The following MAX variants were observed in gnomAD, a reference collection of about 807,000 sequenced individuals.
The protein encoded by MAX is MYC associated transcriptional regulator X, also known as protein max.
MAX carries 3 observed loss-of-function variants against 22.3 expected under a neutral mutation model. The ratio of observed to expected loss-of-function variants is 0.13; its 90% CI spans 0.06 to 0.35. The LOEUF (loss-of-function observed/expected upper bound fraction) is 0.35, where lower values mean the gene tolerates loss of function less well. Ranked by LOEUF, MAX falls within the 10% of genes least tolerant of loss-of-function variation. The pLI, the probability that MAX is intolerant of heterozygous loss-of-function variation, is 1.00. For synonymous variants in MAX, 72 were observed against 77.7 expected (o/e 0.93, Z 0.39); for missense variants, 119 against 209.4 (o/e 0.57, Z 2.66).
intron 3 of MAX, among the ~76,000 whole-genome samples, chr14:65,067,234 A>T (rs1394090637): frequency 2.6e-5 from 4 of 152,042 alleles, no homozygotes; most frequent in Admixed American, 2.6e-4. Flanking sequence ...GAATAGTTTG[A>T]GATTGACAGA....
At chr14:65,096,340 T>C (rs1049896167) in intron 2 of MAX, among the ~76,000 whole-genome samples, 5 of 152,194 alleles carry the variant, frequency 3.3e-5, no homozygotes, top group African/African-American at 1.2e-4. Flanking sequence ...TTCCCCAAGC[T>C]TGATTTGAAA....
At chr14:65,099,497 G>A in intron 2 of MAX, among the ~76,000 whole-genome samples, 1 of 141,708 alleles carries the variant, frequency 7.1e-6, no homozygotes, top group Non-Finnish European at 1.5e-5. Context: ...TTGAAAAGCA[G>A]AAAGCTTTCA....
At chr14:65,057,178 T>C (rs932719640) in intron 3 of MAX, among the ~76,000 whole-genome samples, 4 of 152,196 alleles carry the variant, frequency 2.6e-5, no homozygotes, top group Non-Finnish European at 5.9e-5. Context: ...AACATAGCCA[T>C]CTTGGGGATC....
Position 65,032,541 on chromosome 14 carries a change from C to T in MAX, c.172-26257G>A, listed in dbSNP as rs932982459. The T allele has an allele frequency of 1.7e-5, 27 of 1,567,368 alleles. No individual in the cohort carries two copies. In the Admixed American group the frequency reaches 2.5e-4, roughly 14 times the overall value. ...TACTAGGCAAGGCGAGCAGTCCGCC[C>T]GCGGAGTTCACTGAGCCTCATTAGC... On this transcript the variant is annotated intron_variant, in intron 3 of 3. Transcript: ENST00000341653. The surrounding 1 kb of genome is among the most constrained non-coding windows in gnomAD (Gnocchi z 5.0).
chr14:65,053,370 G>A (rs2062654713), intron 3 of MAX: 1 of 1,403,612 alleles, frequency 7.1e-7, no homozygotes, highest in Non-Finnish European at 9.4e-7. Context: ...TCTCTCTGGG[G>A]AGGGAAGGGA....
intron 2 of MAX, among the ~76,000 whole-genome samples, chr14:65,100,964 C>T (rs778504393): frequency 6.6e-6 from 1 of 152,180 alleles, no homozygotes; most frequent in Non-Finnish European, 1.5e-5. Context: ...TTTCTTTATA[C>T]CTTTTCTTCA....
intron 3 of MAX, among the ~76,000 whole-genome samples, chr14:65,092,250 C>G (rs1484234163): frequency 6.6e-6 from 1 of 152,148 alleles, no homozygotes; most frequent in Non-Finnish European, 1.5e-5. Flanking sequence ...AAGGCTGATT[C>G]AGTAGTGAAT....
intron 2 of MAX, among the ~76,000 whole-genome samples, chr14:65,097,438 T>C (rs1263931786): frequency 6.6e-6 from 1 of 152,210 alleles, no homozygotes; most frequent in South Asian, 2.1e-4. Context: ...AATAAATGCT[T>C]CATTATTCCA....
chr14:65,081,345 A>T (rs772663500), intron 3 of MAX, among the ~76,000 whole-genome samples: 4 of 152,248 alleles, frequency 2.6e-5, no homozygotes, highest in Non-Finnish European at 5.9e-5. Flanking sequence ...AGTCCAGGAA[A>T]GAAAAAGCAA....
In MAX at chr14:65,082,759, C is replaced by T. The variant is rs2063230960; in HGVS notation, c.172-4723G>A. Reference sequence around the variant, plus strand: ...TCCAGCCTGAAAAAAAAGAGTGAGACCCTGTATAAAAAAAAAAAAGTGAAA... The same window carrying T: ...TCCAGCCTGAAAAAAAAGAGTGAGATCCTGTATAAAAAAAAAAAAGTGAAA... On this transcript the variant is annotated intron_variant, in intron 3 of 4. Transcript: ENST00000358664. This position sits in a 1 kb window ranked among gnomAD's most constrained non-coding sequence, Gnocchi z 4.8. Among the ~76,000 whole-genome samples the T allele has an allele frequency of 6.6e-6, 1 of 151,086 alleles. No homozygotes were observed. Among genetic ancestry groups the T allele is most frequent in the Non-Finnish European group, 1.5e-5 (1 of 67,810 alleles).
chr14:65,074,142 C>G (rs558201258), downstream of MAX, among the ~76,000 whole-genome samples: 1 of 152,174 alleles, frequency 6.6e-6, no homozygotes, highest in Non-Finnish European at 1.5e-5. Flanking sequence ...AGCAAACCAA[C>G]TGTATACTTA....
rs1199836408 is a variant in MAX, at chr14:65,060,524, G to A, written c.171+33184C>T. Among the ~76,000 whole-genome samples, 6 of 127,230 alleles carry A rather than the reference G, an allele frequency of 4.7e-5. 1 individual carries two copies. The highest frequency in any genetic ancestry group is 5.1e-4 in the South Asian group (2 of 3,902). The allele number at this position is 127,230 out of a possible 152,430, so 83.5% of individuals were successfully genotyped here. Reference sequence around the variant, plus strand: ...ATCCCGGCTAAAACGGTGAAACCCCGTCTCTACTAAAAATACAAAAAATTA... The same window carrying A: ...ATCCCGGCTAAAACGGTGAAACCCCATCTCTACTAAAAATACAAAAAATTA... On this transcript the variant is annotated intron_variant, in intron 3 of 3. Coordinates refer to the MAX transcript ENST00000341653.
rs1005955754 is a variant in MAX, at chr14:65,029,566, A to G, written c.172-23282T>C. 6.6e-6 allele frequency among the ~76,000 whole-genome samples: 1 copy of G among 152,198 alleles called. No individual in the cohort carries two copies. The highest frequency in any genetic ancestry group is 2.4e-5 in the African/African-American group (1 of 41,448). Reference sequence around the variant, plus strand: ...CAAGCACTATTTTTTCTCAGTTCTTAAGAAAGGAGACCTCCTTTCTAGGTT... The same window carrying G: ...CAAGCACTATTTTTTCTCAGTTCTTGAGAAAGGAGACCTCCTTTCTAGGTT... On this transcript the variant is annotated intron_variant, in intron 3 of 3. Coordinates refer to the MAX transcript ENST00000341653. This position sits in a 1 kb window ranked among gnomAD's most constrained non-coding sequence, Gnocchi z 4.7.
rs1043577119 is a variant in MAX at position 65,044,781 on chromosome 14, C to G, written c.172-38497G>C. 3.7e-6 allele frequency: 1 copy of G among 273,120 alleles called. No homozygotes were observed. The highest frequency in any genetic ancestry group is 6.9e-6 in the Non-Finnish European group (1 of 144,770). The allele number at this position is 273,120 out of a possible 1,614,324, so 16.9% of individuals were successfully genotyped here. On this transcript the variant is annotated intron_variant, in intron 3 of 3. Transcript: ENST00000341653. The surrounding 1 kb of genome is among the most constrained non-coding windows in gnomAD (Gnocchi z 5.5). The stretch of plus-strand genomic sequence containing the variant: ...CTGGGCTCTGTGGTGATTGCCACCT[C>G]CTCTGGGTGCAGGGCAGAGCTGAAA...
chr14:65,048,325 TAA>T (rs59114641), intron 3 of MAX, among the ~76,000 whole-genome samples: 1 of 145,162 alleles, frequency 6.9e-6, no homozygotes, highest in Non-Finnish European at 1.5e-5. Context: ...ACTGTGCCTT[TAA>T]AAAAAAAAAA....
chr14:65,083,796 A>G, intron 3 of MAX: 2 of 1,123,946 alleles, frequency 1.8e-6, no homozygotes, highest in Non-Finnish European at 2.2e-6. Flanking sequence ...AGAAAATGAA[A>G]CCATTTATTT....
At chr14:65,060,286 T>A (rs1226665558) in intron 3 of MAX, among the ~76,000 whole-genome samples, 1 of 151,982 alleles carries the variant, frequency 6.6e-6, no homozygotes, top group Non-Finnish European at 1.5e-5. Flanking sequence ...CAGGTACAAA[T>A]ACACTTTTTA....
chr14:65,040,161 A>G (rs2062312275), intron 3 of MAX, among the ~76,000 whole-genome samples: 1 of 152,104 alleles, frequency 6.6e-6, no homozygotes, highest in Admixed American at 6.6e-5. Context: ...CAACCTAGGT[A>G]ACAGAGTTAA....
rs1043070214 is a variant in MAX, at chr14:65,023,214, G to A, written c.172-16930C>T. ...GCTGGGGCTAGAGGTGGGTGCCAAC[G>A]TGCCTGGTTAATTTTTATAATTCTT... On this transcript the variant is annotated intron_variant, in intron 3 of 3. Transcript: ENST00000341653. The surrounding 1 kb of genome is among the most constrained non-coding windows in gnomAD (Gnocchi z 4.1). 2.6e-5 allele frequency among the ~76,000 whole-genome samples: 4 copies of A among 152,046 alleles called. No individual in the cohort carries two copies. Among genetic ancestry groups the A allele is most frequent in the African/African-American group, 7.2e-5 (3 of 41,386 alleles).
Sources: allele counts gnomAD v4.1 joint callset (sites outside exome capture counted in the v4.1 genomes callset), GRCh38; gene constraint gnomAD v4.1.1; non-coding constraint Gnocchi (gnomAD v3.1); transcripts MANE v1.5; gene names NCBI Gene and HGNC (gene_info 2026-07-23, HGNC 2026-07-21).